The following CSMD1 variants were observed in gnomAD, a reference collection of about 807,000 sequenced individuals.
CSMD1 encodes CUB and sushi domain-containing protein 1.
Under a neutral mutation model 417.5 loss-of-function variants are expected in CSMD1, and 213 were observed. The observed-to-expected ratio is 0.51, with a 90% CI of 0.46 to 0.57. The LOEUF (loss-of-function observed/expected upper bound fraction) is 0.57, where lower values mean the gene tolerates loss of function less well. Ranked by LOEUF, CSMD1 falls within the 20% of genes least tolerant of loss-of-function variation. The pLI is 0.00. For missense variants in CSMD1, 6,923 were observed against 4,529.7 expected, an observed-to-expected ratio of 1.53 and a Z score of -15.17; for synonymous variants, 2,862 against 1,736.8, an observed-to-expected ratio of 1.65 and a Z score of -16.11.
rs190964219 is a variant in CSMD1 at position 4,854,121 on chromosome 8, G to A, written c.85+140211C>T. On this transcript the variant is annotated intron_variant, in intron 1 of 69. Transcript: ENST00000635120. ...TGAGACATAGAACTTTTGAGTTAATGCAGAAGTGAGTTAAGATTTTGGGGG... is the reference window on the plus strand; with the variant it reads ...TGAGACATAGAACTTTTGAGTTAATACAGAAGTGAGTTAAGATTTTGGGGG... 3.1e-3 allele frequency among the ~76,000 whole-genome samples: 466 copies of A among 152,294 alleles called. 2 individuals carry two copies. The highest frequency in any genetic ancestry group is 0.011 in the African/African-American group (443 of 41,566).
chr8:3,999,300 T>A (rs1297619745), intron 4 of CSMD1, among the ~76,000 whole-genome samples: 1 of 152,162 alleles, frequency 6.6e-6, no homozygotes, highest in Non-Finnish European at 1.5e-5. Context: ...GCAGAGGTTG[T>A]GTGACCGGCC....
At chr8:4,492,431 A>C (rs1474460050) in intron 2 of CSMD1, among the ~76,000 whole-genome samples, 2 of 152,212 alleles carry the variant, frequency 1.3e-5, no homozygotes, top group Non-Finnish European at 2.9e-5. Flanking sequence ...CGGAAGGTGA[A>C]CTCAAATTAT....
chr8:3,589,386 G>GTA (rs766345745), intron 8 of CSMD1, among the ~76,000 whole-genome samples: 2 of 146,590 alleles, frequency 1.4e-5, no homozygotes, highest in Non-Finnish European at 2.9e-5. Flanking sequence ...TGTGGTGTGT[G>GTA]TGTGTGTGTG....
At chr8:4,192,302 T>C (rs1446073631) in intron 3 of CSMD1, among the ~76,000 whole-genome samples, 2 of 152,244 alleles carry the variant, frequency 1.3e-5, no homozygotes, top group Non-Finnish European at 2.9e-5. Flanking sequence ...TCATAAAGTA[T>C]GCAATTACAT....
In CSMD1 at chr8:3,580,496, G is replaced by C. The variant is rs1027970525; in HGVS notation, c.1223-5430C>G. On this transcript the variant is annotated intron_variant, in intron 9 of 69. Transcript: ENST00000635120. Reference sequence around the variant, plus strand: ...AGGAATGTAAATAGCACCAACTTAAGGTTAGCTTTCAGGTTCTTTGATGTC... The same window carrying C: ...AGGAATGTAAATAGCACCAACTTAACGTTAGCTTTCAGGTTCTTTGATGTC... Among the ~76,000 whole-genome samples, 44 of 152,086 alleles carry C rather than the reference G, an allele frequency of 2.9e-4. 1 individual carries two copies. Among genetic ancestry groups the C allele is most frequent in the Non-Finnish European group, 8.8e-5 (6 of 68,022 alleles).
At chr8:4,834,641 T>C (rs1352899949) in intron 1 of CSMD1, among the ~76,000 whole-genome samples, 1 of 149,968 alleles carries the variant, frequency 6.7e-6, no homozygotes, top group African/African-American at 2.5e-5. Flanking sequence ...AGCTAGCTAG[T>C]GAAAAAGAAG....
rs190571194 is a variant in CSMD1, at chr8:4,101,537, A to G, written c.416-69438T>C. On this transcript the variant is annotated intron_variant, in intron 3 of 69. Transcript: ENST00000635120. ...AATATGCCGACCAGGAAACATACCT[A>G]AAAAATTATGGATGTGTAGGAAGTT... Among the ~76,000 whole-genome samples the G allele has an allele frequency of 3.3e-5, 5 of 152,298 alleles. No individual in the cohort carries two copies. The East Asian group carries it at 7.7e-4, about 23-fold the overall frequency.
At chr8:3,576,686 G>T (rs1437385860) in intron 9 of CSMD1, among the ~76,000 whole-genome samples, 2 of 152,162 alleles carry the variant, frequency 1.3e-5, no homozygotes, top group Non-Finnish European at 2.9e-5. Flanking sequence ...AAAGGTCACT[G>T]GACAAAGGAC....
At position 4,000,047 on chromosome 8, in the gene CSMD1, C is replaced by T. The variant is rs528157540; in HGVS notation, c.611-1937G>A. Among the ~76,000 whole-genome samples, 7 of 152,374 alleles carry T rather than the reference C, an allele frequency of 4.6e-5. No homozygotes were observed. In the South Asian group the frequency reaches 1.4e-3, roughly 32 times the overall value. ...AATAAAAATAACTGTGTGTATACTA[C>T]AATTTGAAAACTGCAAAAGTACTTC... On this transcript the variant is annotated intron_variant, in intron 4 of 69. Coordinates refer to ENST00000635120, the MANE Select transcript of CSMD1 (RefSeq NM_033225.6).
chr8:4,313,588 A>G (rs1398029934), intron 3 of CSMD1, among the ~76,000 whole-genome samples: 3 of 152,084 alleles, frequency 2.0e-5, no homozygotes, highest in African/African-American at 7.2e-5. Flanking sequence ...GTTGGAATTA[A>G]CTGTCAATGT....
chr8:3,748,170 T>C (rs908990902), intron 6 of CSMD1, among the ~76,000 whole-genome samples: 6 of 152,232 alleles, frequency 3.9e-5, no homozygotes, highest in African/African-American at 9.6e-5. Context: ...AAGAATCTTT[T>C]GTTCTGAGAG....
Position 3,088,372 on chromosome 8 carries a change from C to T in CSMD1, c.7286-1087G>A, listed in dbSNP as rs529288918. Among the ~76,000 whole-genome samples the T allele has an allele frequency of 8.7e-4, 132 of 152,292 alleles. 1 individual carries two copies. Among genetic ancestry groups the T allele is most frequent in the Non-Finnish European group, 1.5e-3 (101 of 68,030 alleles). On this transcript the variant is annotated intron_variant, in intron 48 of 69. Coordinates refer to ENST00000635120, the MANE Select transcript of CSMD1 (RefSeq NM_033225.6). Reference sequence around the variant, plus strand: ...AGAAGGTCCTTAAGAACTGGGAATTCTCAGTTTCTTTTTAAAGAATTTTAG... The same window carrying T: ...AGAAGGTCCTTAAGAACTGGGAATTTTCAGTTTCTTTTTAAAGAATTTTAG...
In CSMD1 at chr8:3,997,779, C is replaced by A. The variant is rs372512102; in HGVS notation, c.818+124G>T. 457 of 829,134 alleles carry A rather than the reference C, an allele frequency of 5.5e-4. 2 individuals are homozygous for A. The African/African-American group carries it at 5.8e-3, about 11-fold the overall frequency. The allele number at this position is 829,134 out of a possible 1,614,324, so 51.4% of individuals were successfully genotyped here. A position where few individuals can be genotyped will look rare whatever the true frequency, so the allele number is the denominator to read the frequency against. On this transcript the variant is annotated intron_variant, in intron 5 of 69. Transcript: ENST00000635120. ...CTTTTCCAGAGCCAAAAGAGCAAGG[C>A]GAAAAAAGGAACACACATGCTTGCC...
At chr8:4,893,418 A>T (rs961613357) in intron 1 of CSMD1, among the ~76,000 whole-genome samples, 8 of 152,000 alleles carry the variant, frequency 5.3e-5, no homozygotes, top group Non-Finnish European at 1.2e-4. Context: ...TTATATTCAC[A>T]AAGATGTAGT....
chr8:3,632,386 C>T (rs900396170), intron 7 of CSMD1, among the ~76,000 whole-genome samples: 7 of 151,994 alleles, frequency 4.6e-5, no homozygotes, highest in Non-Finnish European at 1.0e-4. Flanking sequence ...CTTATTGAAT[C>T]AAAATTAAAG....
chr8:4,779,359 A>AT (rs1027814032), intron 1 of CSMD1, among the ~76,000 whole-genome samples: 2 of 152,154 alleles, frequency 1.3e-5, no homozygotes, highest in Non-Finnish European at 2.9e-5. Flanking sequence ...TCAAAGGATA[A>AT]TTTTTTACAG....
chr8:3,614,778 T>C (rs1399215974), intron 8 of CSMD1, among the ~76,000 whole-genome samples: 2 of 152,230 alleles, frequency 1.3e-5, no homozygotes, highest in African/African-American at 4.8e-5. Context: ...CGCACAGTTT[T>C]AGTCACTGAG....
chr8:3,599,861 A>G (rs542710055), intron 8 of CSMD1, among the ~76,000 whole-genome samples: 2 of 152,176 alleles, frequency 1.3e-5, no homozygotes, highest in Non-Finnish European at 2.9e-5. Context: ...TTCATACACA[A>G]GAAAGTGTAA....
chr8:3,355,609 G>C (rs1475043615), intron 21 of CSMD1, among the ~76,000 whole-genome samples: 2 of 152,062 alleles, frequency 1.3e-5, no homozygotes, highest in African/African-American at 2.4e-5. Flanking sequence ...CACGATGTGG[G>C]GCTACAGCAC....
Sources: allele counts gnomAD v4.1 joint callset (sites outside exome capture counted in the v4.1 genomes callset), GRCh38; gene constraint gnomAD v4.1.1; transcripts MANE v1.5; gene names NCBI Gene and HGNC (gene_info 2026-07-23, HGNC 2026-07-21).